The following TBX4 variants were observed in gnomAD, a reference collection of about 807,000 sequenced individuals.
The protein encoded by TBX4 is T-box transcription factor TBX4.
A neutral mutation model predicts 54.6 loss-of-function variants in TBX4; 13 were observed. The observed-to-expected ratio is 0.24, with a 90% confidence interval of 0.15 to 0.38. TBX4 has a LOEUF of 0.38. Ranked by LOEUF, TBX4 falls within the 10% of genes least tolerant of loss-of-function variation. The probability of loss-of-function intolerance (pLI) is 1.00; values close to 1 mark genes in which losing one functional copy is unlikely to be tolerated. For synonymous variants in TBX4, 314 were observed against 306.7 expected (o/e 1.02, Z -0.25); for missense variants, 631 against 728.5 (o/e 0.87, Z 1.54).
chr17:61,455,487 T>C (rs2060440756), intron 1 of TBX4, among the ~76,000 whole-genome samples: 1 of 152,226 alleles, frequency 6.6e-6, no homozygotes, highest in African/African-American at 2.4e-5. Context: ...CCTCTCAGGC[T>C]GTGCTCTCAT....
chr17:61,467,697 G>C, intron 5 of TBX4, 40 bp downstream of exon 5: 1 of 1,613,622 alleles, frequency 6.2e-7, no homozygotes, highest in Admixed American at 1.7e-5. Context: ...GGCAAGTCTG[G>C]GGCAGTTTTA....
chr17:61,468,033 A>G (rs893558169), intron 5 of TBX4, among the ~76,000 whole-genome samples: 37 of 152,380 alleles, frequency 2.4e-4, no homozygotes, highest in Admixed American at 2.0e-3. Flanking sequence ...GTGACGGGTC[A>G]GATCTCAGCT....
At chr17:61,473,052 A>AG (rs2060592033) in intron 5 of TBX4, among the ~76,000 whole-genome samples, 1 of 152,188 alleles carries the variant, frequency 6.6e-6, no homozygotes, top group African/African-American at 2.4e-5. Context: ...ATAAGCTTGT[A>AG]GTGTTAAAAA....
In TBX4 at chr17:61,478,584, C is replaced by G; in HGVS notation, c.550-43C>G. 6.2e-7 allele frequency: 1 copy of G among 1,613,686 alleles called. No individual in the cohort carries two copies. Among genetic ancestry groups the G allele is most frequent in the Non-Finnish European group, 8.5e-7 (1 of 1,179,660 alleles). On this transcript the variant is annotated intron_variant, in intron 5 of 8. Coordinates refer to ENST00000644296, the MANE Select transcript of TBX4 (RefSeq NM_001321120.2). The surrounding 1 kb of genome is among the most constrained non-coding windows in gnomAD (Gnocchi z 7.4). Reference sequence around the variant, plus strand: ...AATGAGGTCAAGGGCCTGGGGCTTGCGGATGGGGACCTGGAGCTCAGCATG... The same window carrying G: ...AATGAGGTCAAGGGCCTGGGGCTTGGGGATGGGGACCTGGAGCTCAGCATG...
At chr17:61,455,273 G>A (rs1409875851) in intron 1 of TBX4, among the ~76,000 whole-genome samples, 1 of 152,242 alleles carries the variant, frequency 6.6e-6, no homozygotes, top group Non-Finnish European at 1.5e-5. Context: ...AGAGGCCTGA[G>A]CCCGGGGATG....
intron 5 of TBX4, among the ~76,000 whole-genome samples, chr17:61,470,968 G>A (rs1202407133): frequency 1.3e-5 from 2 of 152,210 alleles, no homozygotes; most frequent in Admixed American, 6.5e-5. Context: ...CCTGTAGCAC[G>A]ATGAGGAAAT....
intron 1 of TBX4, chr17:61,452,873 C>T (rs2060424182): frequency 2.5e-5 from 24 of 957,210 alleles, no homozygotes; most frequent in Non-Finnish European, 2.9e-5. Context: ...ACAGCGCCAG[C>T]ACCCTAAGAA....
rs572326816 is a variant in TBX4, at chr17:61,480,399, C to A, written c.1021+80C>A. The A allele has an allele frequency of 1.5e-5, 17 of 1,146,694 alleles. No individual in the cohort carries two copies. Among genetic ancestry groups the A allele is most frequent in the Admixed American group, 1.2e-4 (6 of 50,516 alleles). 71.0% of individuals were successfully genotyped at this position (1,146,694 alleles called of 1,614,324 possible). A position where few individuals can be genotyped will look rare whatever the true frequency, so the allele number is the denominator to read the frequency against. On this transcript the variant is annotated intron_variant, in intron 8 of 8. Coordinates refer to ENST00000644296, the MANE Select transcript of TBX4 (RefSeq NM_001321120.2). The surrounding 1 kb of genome is among the most constrained non-coding windows in gnomAD (Gnocchi z 6.2). ...CCCCGAAACCACTCTGCAGCGCCCC[C>A]CCCCCCAACACACACACACTCATCT...
chr17:61,453,368 A>C (rs568068255), intron 1 of TBX4, among the ~76,000 whole-genome samples: 6 of 152,270 alleles, frequency 3.9e-5, no homozygotes, highest in African/African-American at 1.4e-4. Flanking sequence ...TGAACAATGA[A>C]AATACTATTA....
rs1297666767 is a variant in TBX4, at chr17:61,461,554, C to T, written c.281+3923C>T. ...TCTTTTCAGACTCTGAGCTCCAAGG[C>T]GCCTGTGTATGTGTACACACATATA... On this transcript the variant is annotated intron_variant, in intron 3 of 8. Coordinates refer to ENST00000644296, the MANE Select transcript of TBX4 (RefSeq NM_001321120.2). The surrounding 1 kb of genome is among the most constrained non-coding windows in gnomAD (Gnocchi z 5.1). 6.6e-6 allele frequency among the ~76,000 whole-genome samples: 1 copy of T among 152,124 alleles called. No individual in the cohort carries two copies. Among genetic ancestry groups the T allele is most frequent in the Non-Finnish European group, 1.5e-5 (1 of 68,036 alleles).
In TBX4 at chr17:61,456,635, G is replaced by C. The variant is rs2143792576; in HGVS notation, c.145G>C (p.Gly49Arg). Residue 49 changes from glycine (G) to arginine (R), a missense_variant, in exon 2 of 9, where the codon GGA (glycine) becomes CGA (arginine). Physicochemically the swap from Gly to Arg is moderately radical, Grantham distance 125 (BLOSUM62 -2). Coordinates refer to ENST00000644296, the MANE Select transcript of TBX4 (RefSeq NM_001321120.2). Reference protein sequence around the residue: ...LSGAALGSPPGPGADVVAAAA... With the variant: ...LSGAALGSPPRPGADVVAAAA... ...CGGAGCCGCGCTAGGCAGCCCCCCG[G>C]GACCCGGGGCCGACGTCGTCGCCGC... 1 of 1,360,766 alleles carries C rather than the reference G, an allele frequency of 7.3e-7. No individual in the cohort carries two copies. Among genetic ancestry groups the C allele is most frequent in the Non-Finnish European group, 9.5e-7 (1 of 1,056,556 alleles). 84.3% of individuals were successfully genotyped at this position (1,360,766 alleles called of 1,614,324 possible). A position where few individuals can be genotyped will look rare whatever the true frequency, so the allele number is the denominator to read the frequency against.
In TBX4 at chr17:61,483,877, A is replaced by T. The variant is rs1411300792; in HGVS notation, c.*361A>T. On this transcript the variant is annotated 3_prime_UTR_variant, in exon 9 of 9. Coordinates refer to ENST00000644296, the MANE Select transcript of TBX4 (RefSeq NM_001321120.2). The surrounding 1 kb of genome is among the most constrained non-coding windows in gnomAD (Gnocchi z 6.6). The stretch of plus-strand genomic sequence containing the variant: ...ATAATGGTTGATTTACTCAGGGGCC[A>T]GGTGGGGAGTTCTCTCCCATGGGGA... 1.0e-5 allele frequency: 3 copies of T among 289,574 alleles called. No homozygotes were observed. Among genetic ancestry groups the T allele is most frequent in the Non-Finnish European group, 2.0e-5 (3 of 148,824 alleles). The allele number at this position is 289,574 out of a possible 1,614,324, so 17.9% of individuals were successfully genotyped here.
intron 1 of TBX4, among the ~76,000 whole-genome samples, chr17:61,456,042 G>A (rs2060445653): frequency 1.3e-5 from 2 of 152,180 alleles, no homozygotes; most frequent in Non-Finnish European, 2.9e-5. Context: ...CTCCAGCCTG[G>A]CTCTCCTTTC....
intron 5 of TBX4, among the ~76,000 whole-genome samples, chr17:61,477,311 C>T (rs1009128650): frequency 6.6e-6 from 1 of 152,224 alleles, no homozygotes; most frequent in African/African-American, 2.4e-5. Flanking sequence ...CAGCTGCTAC[C>T]GTGGGGCGCA....
chr17:61,473,699 C>T (rs919462251), intron 5 of TBX4, among the ~76,000 whole-genome samples: 10 of 152,234 alleles, frequency 6.6e-5, no homozygotes, highest in South Asian at 2.1e-4. Context: ...TGATGCTGGG[C>T]AAATGCCTGC....
chr17:61,463,509 G>A (rs1268511122), intron 3 of TBX4: 1 of 152,296 alleles, frequency 6.6e-6, no homozygotes, highest in Non-Finnish European at 1.5e-5. Flanking sequence ...AGGCCTTCCA[G>A]AAAGCACTTA....
Position 61,478,794 on chromosome 17 carries a change from C to T in TBX4, c.702+15C>T, listed in dbSNP as rs1178659630. The T allele has an allele frequency of 3.1e-6, 5 of 1,614,000 alleles. No individual in the cohort carries two copies. Among genetic ancestry groups the T allele is most frequent in the East Asian group, 2.2e-5 (1 of 44,878 alleles). ...AGAATCACAAGGTACAGCCACTGCCCCACTGCCCCACAGCCCCACTTAACA... is the reference window on the plus strand; with the variant it reads ...AGAATCACAAGGTACAGCCACTGCCTCACTGCCCCACAGCCCCACTTAACA... On this transcript the variant is annotated intron_variant, in intron 6 of 8. Coordinates refer to ENST00000644296, the MANE Select transcript of TBX4 (RefSeq NM_001321120.2). This position sits in a 1 kb window ranked among gnomAD's most constrained non-coding sequence, Gnocchi z 7.4.
rs368203343 is a variant in TBX4 at position 61,465,974 on chromosome 17, C to T, written c.401+36C>T. 6.2e-7 allele frequency: 1 copy of T among 1,612,480 alleles called. No homozygotes were observed. Among genetic ancestry groups the T allele is most frequent in the Non-Finnish European group, 8.5e-7 (1 of 1,178,940 alleles). ...CCTGACCGCATCACCCACGTTCCCTCAACTGCCCACTTGCCACGCCCCCAC... is the reference window on the plus strand; with the variant it reads ...CCTGACCGCATCACCCACGTTCCCTTAACTGCCCACTTGCCACGCCCCCAC... On this transcript the variant is annotated intron_variant, in intron 4 of 8. Transcript: ENST00000644296. This position sits in a 1 kb window ranked among gnomAD's most constrained non-coding sequence, Gnocchi z 4.9.
chr17:61,480,336 C>T lies in TBX4; in HGVS notation c.1021+17C>T. The T allele has an allele frequency of 6.2e-7, 1 of 1,601,470 alleles. No individual in the cohort carries two copies. The highest frequency in any genetic ancestry group is 8.5e-7 in the Non-Finnish European group (1 of 1,172,704). On this transcript the variant is annotated intron_variant, in intron 8 of 8. Coordinates refer to ENST00000644296, the MANE Select transcript of TBX4 (RefSeq NM_001321120.2). The surrounding 1 kb of genome is among the most constrained non-coding windows in gnomAD (Gnocchi z 6.2). Reference sequence around the variant, plus strand: ...AAAGACGAGGTAGGGCTCTCCTGGTCTAGAAGCCCTAGAGGGTAAGAGGAG... The same window carrying T: ...AAAGACGAGGTAGGGCTCTCCTGGTTTAGAAGCCCTAGAGGGTAAGAGGAG...
Sources: gnomAD v4.1 joint callset for allele counts (sites outside exome capture counted in the v4.1 genomes callset) on GRCh38, gnomAD v4.1.1 for gene constraint, Gnocchi (gnomAD v3.1) non-coding constraint, MANE v1.5 for transcripts, NCBI Gene and HGNC (gene_info 2026-07-23, HGNC 2026-07-21) for gene names.